CEACAM18: variants seen among roughly 807,000 people sequenced by gnomAD.
CEACAM18 encodes cell adhesion molecule CEACAM18.
In CEACAM18, 33 loss-of-function variants were observed where a neutral mutation model predicts 34.3. The observed-to-expected ratio is 0.96, with a 90% CI of 0.73 to 1.29. The LOEUF is 1.29. CEACAM18 is among the 50% of genes most tolerant of loss of function. The pLI is 0.00. For missense variants in CEACAM18, 474 were observed against 485.0 expected, an observed-to-expected ratio of 0.98 and a Z score of 0.21; for synonymous variants, 169 against 180.9, an observed-to-expected ratio of 0.93 and a Z score of 0.53.
At chr19:51,483,557 C>T (rs1268338089) in intron 4 of CEACAM18, among the ~76,000 whole-genome samples, 7 of 150,752 alleles carry the variant, frequency 4.6e-5, no homozygotes, top group African/African-American at 1.5e-4. Context: ...TATGTGCCCG[C>T]CTTTGTTCTA....
exon 2 of CEACAM18, chr19:51,480,674 G>C (rs200329228): frequency 1.8e-5 from 29 of 1,610,416 alleles, no homozygotes; most frequent in Non-Finnish European, 8.5e-7. Flanking sequence ...CTGGCTGGAG[G>C]TTCTAGGTGG....
intron 1 of CEACAM18, 70 bp from the exon 2 acceptor site, chr19:51,480,263 T>A: frequency 3.9e-6 from 5 of 1,281,864 alleles, no homozygotes; most frequent in Non-Finnish European, 5.4e-6. Context: ...GTGTCTTTTT[T>A]CCTTGTCTTC....
exon 4 of CEACAM18, chr19:51,483,017 A>C (rs747164610): frequency 1.2e-6 from 2 of 1,613,676 alleles, no homozygotes; most frequent in Non-Finnish European, 1.7e-6. Context: ...GTCTCTACAG[A>C]TGGGCCCGAC....
chr19:51,480,561 T>C, exon 2 of CEACAM18: 1 of 1,612,802 alleles, frequency 6.2e-7, no homozygotes, highest in Non-Finnish European at 8.5e-7. Flanking sequence ...AGGGAGAGAG[T>C]GAACAGAGAA....
rs779631707 is a variant in CEACAM18 at position 51,483,334 on chromosome 19, C to T, written c.953+38C>T. On this transcript the variant is annotated intron_variant, in intron 4 of 5. Coordinates refer to ENST00000396477, the Ensembl canonical transcript of CEACAM18. ...CCCTCCAGGCTCATGCTTTGCACAT[C>T]TCCCTGCCTCCATGCCCTGCTAGGC... 9 of 1,611,854 alleles carry T rather than the reference C, an allele frequency of 5.6e-6. 1 individual carries two copies. The South Asian group carries it at 9.9e-5, about 18-fold the overall frequency.
chr19:51,482,897 C>A, intron 3 of CEACAM18, 120 bp from the exon 4 acceptor site: 3 of 1,113,420 alleles, frequency 2.7e-6, no homozygotes, highest in South Asian at 1.5e-5. Flanking sequence ...TTGCCTGGGG[C>A]AGGTCTAGGG....
At chr19:51,483,052 G>A in exon 4 of CEACAM18, 1 of 1,614,014 alleles carries the variant, frequency 6.2e-7, no homozygotes, top group South Asian at 1.1e-5. Flanking sequence ...GAGCAATCCT[G>A]ATGATTTCAA....
intron 1 of CEACAM18, among the ~76,000 whole-genome samples, chr19:51,479,943 C>G (rs1810370843): frequency 6.6e-6 from 1 of 152,232 alleles, no homozygotes; most frequent in African/African-American, 2.4e-5. Flanking sequence ...AACACCAGCT[C>G]TGGCTGAGAG....
intron 5 of CEACAM18, among the ~76,000 whole-genome samples, chr19:51,485,437 A>G (rs1487362459): frequency 6.6e-6 from 1 of 152,230 alleles, no homozygotes; most frequent in African/African-American, 2.4e-5. Flanking sequence ...CTGCATGTCA[A>G]TTCCTGGTAC....
At chr19:51,485,736 T>C (rs1479223933) in intron 5 of CEACAM18, among the ~76,000 whole-genome samples, 1 of 152,202 alleles carries the variant, frequency 6.6e-6, no homozygotes, top group Non-Finnish European at 1.5e-5. Context: ...GACCAGAGTT[T>C]CTCAACCTCA....
At chr19:51,490,894 G>T (rs557184231) in exon 6 of CEACAM18, 2 of 359,426 alleles carry the variant, frequency 5.6e-6, no homozygotes, top group Non-Finnish European at 5.0e-6. Context: ...GTTGCAGGTC[G>T]GGGCGGGCCA....
chr19:51,484,850 C>T (rs10414127), intron 4 of CEACAM18, 137 bp from the exon 5 acceptor site: 234,894 of 1,097,794 alleles, frequency 0.21, 26,307 homozygotes, highest in Middle Eastern at 0.29. Flanking sequence ...CTGAATCCCT[C>T]GTACCTGGAA....
chr19:51,487,317 A>G (rs1470920481), intron 5 of CEACAM18, among the ~76,000 whole-genome samples: 2 of 152,112 alleles, frequency 1.3e-5, no homozygotes, highest in Admixed American at 1.3e-4. Flanking sequence ...TCTACAAAAA[A>G]TACAAAAGTT....
At chr19:51,484,633 G>T (rs1281982894) in intron 4 of CEACAM18, among the ~76,000 whole-genome samples, 1 of 99,700 alleles carries the variant, frequency 1.0e-5, no homozygotes, top group Non-Finnish European at 2.5e-5. Context: ...CATAGTTGGT[G>T]CTCAGTGAAC....
intron 5 of CEACAM18, among the ~76,000 whole-genome samples, chr19:51,489,842 T>C (rs576497823): frequency 1.6e-4 from 25 of 152,292 alleles, no homozygotes; most frequent in South Asian, 4.1e-4. Flanking sequence ...ATTAATGCCA[T>C]CATATTATTC....
At chr19:51,485,045 C>T in exon 5 of CEACAM18, 1 of 1,536,054 alleles carries the variant, frequency 6.5e-7, no homozygotes, top group Non-Finnish European at 8.7e-7. Context: ...TGATGTTCCT[C>T]ATCATGCTGA....
chr19:51,490,625 G>A, exon 6 of CEACAM18: 1 of 1,232,526 alleles, frequency 8.1e-7, no homozygotes, highest in Non-Finnish European at 1.0e-6. Context: ...CCAGACCTGA[G>A]GACAAGACCA....
intron 1 of CEACAM18, among the ~76,000 whole-genome samples, 163 bp from the exon 2 acceptor site, chr19:51,480,170 A>C (rs1467332333): frequency 6.6e-6 from 1 of 152,152 alleles, no homozygotes; most frequent in African/African-American, 2.4e-5. Context: ...GGGGAGGCAC[A>C]GGAGGGGACA....
chr19:51,485,915 A>G (rs1468578738), intron 5 of CEACAM18, among the ~76,000 whole-genome samples: 2 of 152,216 alleles, frequency 1.3e-5, no homozygotes, highest in African/African-American at 2.4e-5. Flanking sequence ...TCTAGACACT[A>G]TGAAGATCAC....
Sources: gnomAD v4.1 joint callset for allele counts (sites outside exome capture counted in the v4.1 genomes callset) on GRCh38, gnomAD v4.1.1 for gene constraint, MANE v1.5 for transcripts, NCBI Gene and HGNC (gene_info 2026-07-23, HGNC 2026-07-21) for gene names.